The following TOB2 variants were observed in gnomAD, a reference collection of about 807,000 sequenced individuals.
TOB2 encodes protein Tob2.
A neutral mutation model predicts 17.3 loss-of-function variants in TOB2; 3 were observed. The observed-to-expected ratio is 0.17, with a 90% CI of 0.08 to 0.45. TOB2 has a LOEUF of 0.45. TOB2 is among the 20% of genes least tolerant of loss of function. TOB2 has a pLI of 0.99. For missense variants in TOB2, 407 were observed against 445.7 expected, an observed-to-expected ratio of 0.91 and a Z score of 0.78; for synonymous variants, 163 against 185.6, an observed-to-expected ratio of 0.88 and a Z score of 0.99.
intron 1 of TOB2, among the ~76,000 whole-genome samples, chr22:41,444,826 A>G (rs1461749701): frequency 6.6e-6 from 1 of 152,152 alleles, no homozygotes; most frequent in Non-Finnish European, 1.5e-5. Flanking sequence ...ATCTGCTTCT[A>G]ATGAGTTTTT....
intron 1 of TOB2, 134 bp from the exon 2 acceptor site, chr22:41,437,541 TCTGA>T: frequency 9.2e-7 from 1 of 1,089,552 alleles, no homozygotes; most frequent in South Asian, 1.9e-5. Context: ...GTGGCTCATG[TCTGA>T]CTGTGGGCCC....
At chr22:41,443,281 G>A (rs1383717269) in intron 1 of TOB2, among the ~76,000 whole-genome samples, 4 of 152,132 alleles carry the variant, frequency 2.6e-5, no homozygotes, top group Non-Finnish European at 4.4e-5. Context: ...TCACACGCGC[G>A]CGCATGTGTC....
Position 41,437,389 on chromosome 22 carries a change from C to G in TOB2, c.-44G>C, listed in dbSNP as rs769552183. 3 of 1,551,794 alleles carry G rather than the reference C, an allele frequency of 1.9e-6. No individual in the cohort carries two copies. The African/African-American group carries it at 4.1e-5, about 21-fold the overall frequency. ...GAATCAGCACAGGGCACGTGTACAGCCTTGGGCTCCAGGCGGCTCTGGGAA... is the reference window on the plus strand; with the variant it reads ...GAATCAGCACAGGGCACGTGTACAGGCTTGGGCTCCAGGCGGCTCTGGGAA... On this transcript the variant is annotated 5_prime_UTR_variant, in exon 2 of 2. Transcript: ENST00000327492.
At position 41,436,701 on chromosome 22, in the gene TOB2, C is replaced by T. The variant is rs2037553254; in HGVS notation, c.645G>A (p.Gln215=). 1.2e-6 allele frequency: 2 copies of T among 1,613,074 alleles called. No homozygotes were observed. Among genetic ancestry groups the T allele is most frequent in the Non-Finnish European group, 8.5e-7 (1 of 1,179,520 alleles). The change falls in exon 2 of 2, where the codon CAG becomes CAA. Residue 215 remains glutamine (Q), a synonymous_variant. Coordinates refer to ENST00000327492, the MANE Select transcript of TOB2 (RefSeq NM_016272.4). The surrounding 1 kb of genome is among the most constrained non-coding windows in gnomAD (Gnocchi z 4.8). ...SSGAGGQQPP[Q]QPRMARSPTN... Reference sequence around the variant, plus strand: ...TGGGTGAGCGGGCCATGCGAGGCTGCTGTGGTGGCTGCTGGCCACCCGCCC... The same window carrying T: ...TGGGTGAGCGGGCCATGCGAGGCTGTTGTGGTGGCTGCTGGCCACCCGCCC...
intron 1 of TOB2, among the ~76,000 whole-genome samples, chr22:41,437,948 C>CAAAAAAA (rs35151486): frequency 9.0e-5 from 4 of 44,492 alleles, no homozygotes; most frequent in Non-Finnish European, 1.1e-4. Context: ...GACTCCATCT[C>CAAAAAAA]AAAAAAAAAA....
At chr22:41,441,012 G>C (rs1320087207) in intron 1 of TOB2, among the ~76,000 whole-genome samples, 1 of 151,842 alleles carries the variant, frequency 6.6e-6, no homozygotes. Context: ...GGCTTTTTTG[G>C]GTATAAAAAG....
intron 1 of TOB2, among the ~76,000 whole-genome samples, chr22:41,446,015 C>T (rs1435375075): frequency 6.6e-6 from 1 of 152,084 alleles, no homozygotes; most frequent in Non-Finnish European, 1.5e-5. Flanking sequence ...ATTTATTTAA[C>T]GGTGGGGGGA....
intron 1 of TOB2, among the ~76,000 whole-genome samples, chr22:41,444,383 A>G (rs2037656737): frequency 6.6e-6 from 1 of 152,096 alleles, no homozygotes; most frequent in Admixed American, 6.5e-5. Context: ...TTTCTAGGGC[A>G]CTCCATGTTC....
intron 1 of TOB2, among the ~76,000 whole-genome samples, chr22:41,442,319 A>G (rs544976684): frequency 1.3e-5 from 2 of 152,276 alleles, no homozygotes; most frequent in African/African-American, 2.4e-5. Flanking sequence ...AGCCTCCTCA[A>G]ACCTGGCTGC....
chr22:41,439,489 ATGTATG>A (rs2037590431), intron 1 of TOB2, among the ~76,000 whole-genome samples: 1 of 26,892 alleles, frequency 3.7e-5, no homozygotes, highest in Admixed American at 2.1e-4. Context: ...TTACGTATGT[ATGTATG>A]TATGTATGTA....
intron 1 of TOB2, among the ~76,000 whole-genome samples, chr22:41,439,555 G>T (rs984484933): frequency 6.6e-6 from 1 of 151,766 alleles, no homozygotes; most frequent in African/African-American, 2.4e-5. Flanking sequence ...TCGTTCTATC[G>T]CCCAGGCTGG....
chr22:41,438,630 CAAAAA>C (rs749494672), intron 1 of TOB2, among the ~76,000 whole-genome samples: 294 of 12,638 alleles, frequency 0.023, 2 homozygotes, highest in Non-Finnish European at 0.048. Flanking sequence ...AACTCTGTCT[CAAAAA>C]AAAAAAAAAA....
At position 41,437,409 on chromosome 22, in the gene TOB2, TG is replaced by T; in HGVS notation, c.-62-3del. The T allele has an allele frequency of 6.5e-7, 1 of 1,530,404 alleles. No individual in the cohort carries two copies. Among genetic ancestry groups the T allele is most frequent in the South Asian group, 1.3e-5 (1 of 77,038 alleles). The allele number at this position is 1,530,404 out of a possible 1,614,324, so 94.8% of individuals were successfully genotyped here. A position where few individuals can be genotyped will look rare whatever the true frequency, so the allele number is the denominator to read the frequency against. Reference sequence around the variant, plus strand: ...TACAGCCTTGGGCTCCAGGCGGCTCTGGGAAATGAGAGGCACCGTGAGAAAA... The same window carrying T: ...TACAGCCTTGGGCTCCAGGCGGCTCTGGAAATGAGAGGCACCGTGAGAAAA... On this transcript the variant is annotated splice_region_variant and splice_polypyrimidine_tract_variant and intron_variant, in intron 1 of 1. Transcript: ENST00000327492.
At chr22:41,440,258 C>CAGGCG (rs71184805) in intron 1 of TOB2, among the ~76,000 whole-genome samples, 112,143 of 150,014 alleles carry the variant, frequency 0.75, 42,525 homozygotes, top group East Asian at 0.94. Flanking sequence ...GCTGGGATTA[C>CAGGCG]AGGCGTGCAC....
intron 1 of TOB2, among the ~76,000 whole-genome samples, chr22:41,440,842 C>T (rs2037610674): frequency 6.7e-6 from 1 of 149,830 alleles, no homozygotes; most frequent in South Asian, 2.1e-4. Context: ...GGTAGGTTTA[C>T]AGGCCTGAGC....
intron 1 of TOB2, among the ~76,000 whole-genome samples, chr22:41,442,560 C>G (rs1189398013): frequency 6.6e-6 from 1 of 152,190 alleles, no homozygotes; most frequent in Non-Finnish European, 1.5e-5. Flanking sequence ...ATAATGCCAC[C>G]TTTGCCTCTT....
chr22:41,436,866 C>T lies in TOB2; in HGVS notation c.480G>A (p.Gln160=), dbSNP rs767144264. The change falls in exon 2 of 2, where the codon CAG becomes CAA. Residue 160 remains glutamine, a synonymous_variant. Transcript: ENST00000327492. This position sits in a 1 kb window ranked among gnomAD's most constrained non-coding sequence, Gnocchi z 4.8. ...GGGGAATGAAGGTAGGGCTGGGTGACTGGCCAAAGGATGGCGATGGGGAGT... is the reference window on the plus strand; with the variant it reads ...GGGGAATGAAGGTAGGGCTGGGTGATTGGCCAAAGGATGGCGATGGGGAGT... ...LSNSPSPSFG[Q]SPSPTFIPRS... 3.1e-6 allele frequency: 5 copies of T among 1,614,182 alleles called. No homozygotes were observed. The South Asian group carries it at 5.5e-5, about 18-fold the overall frequency.
intron 1 of TOB2, among the ~76,000 whole-genome samples, chr22:41,438,630 C>CAAAAAAAA (rs749494672): frequency 0.056 from 707 of 12,684 alleles, 223 homozygotes; most frequent in Non-Finnish European, 0.089. Context: ...AACTCTGTCT[C>CAAAAAAAA]AAAAAAAAAA....
chr22:41,435,215 T>C lies in TOB2; in HGVS notation c.*1096A>G, dbSNP rs559022211. 2 of 152,354 alleles carry C rather than the reference T, an allele frequency of 1.3e-5. No individual in the cohort carries two copies. The highest frequency in any genetic ancestry group is 3.9e-4 in the East Asian group (2 of 5,190). The allele number at this position is 152,354 out of a possible 1,614,324, so 9.4% of individuals were successfully genotyped here. On this transcript the variant is annotated 3_prime_UTR_variant, in exon 2 of 2. Coordinates refer to ENST00000327492, the MANE Select transcript of TOB2 (RefSeq NM_016272.4). Reference sequence around the variant, plus strand: ...TCTGCCCTTCAGAGCTAACTTATTATTATTTTTTTGGTCAAAAACAAAACT... The same window carrying C: ...TCTGCCCTTCAGAGCTAACTTATTACTATTTTTTTGGTCAAAAACAAAACT...
Sources: allele counts gnomAD v4.1 joint callset (sites outside exome capture counted in the v4.1 genomes callset), GRCh38; gene constraint gnomAD v4.1.1; non-coding constraint Gnocchi (gnomAD v3.1); transcripts MANE v1.5; gene names NCBI Gene and HGNC (gene_info 2026-07-23, HGNC 2026-07-21).